The following BMPR1B variants were observed in gnomAD, a reference collection of about 807,000 sequenced individuals.
The protein encoded by BMPR1B is bone morphogenetic protein receptor type-1B.
BMPR1B carries 12 observed loss-of-function variants against 59.1 expected under a neutral mutation model. The observed-to-expected ratio is 0.20, with a 90% CI of 0.13 to 0.33. The LOEUF is 0.33. BMPR1B is among the 10% of genes least tolerant of loss of function. The pLI, the probability that BMPR1B is intolerant of heterozygous loss-of-function variation, is 1.00. For missense variants in BMPR1B, 550 were observed against 610.9 expected (o/e 0.90, Z 1.05); for synonymous variants, 237 against 207.3 (o/e 1.14, Z -1.23).
At chr4:94,888,078 T>C (rs1206099192) in intron 2 of BMPR1B, among the ~76,000 whole-genome samples, 1 of 152,140 alleles carries the variant, frequency 6.6e-6, no homozygotes, top group Non-Finnish European at 1.5e-5. Flanking sequence ...ATGGAACAGT[T>C]TTGTTATTGT....
Position 95,157,950 on chromosome 4 carries a change from A to G in BMPR1B, c.*3277A>G, listed in dbSNP as rs148400273. 3 of 152,192 alleles carry G rather than the reference A, an allele frequency of 2.0e-5. No individual in the cohort carries two copies. Among genetic ancestry groups the G allele is most frequent in the East Asian group, 1.9e-4 (1 of 5,194 alleles). The allele number at this position is 152,192 out of a possible 1,614,324, so 9.4% of individuals were successfully genotyped here. Reference sequence around the variant, plus strand: ...ACACATTTCAATTGGTGTGTAGTCAAGTATAGCAAGTACTTAATAATGACT... The same window carrying G: ...ACACATTTCAATTGGTGTGTAGTCAGGTATAGCAAGTACTTAATAATGACT... On this transcript the variant is annotated 3_prime_UTR_variant, in exon 13 of 13. Transcript: ENST00000515059.
chr4:95,097,110 A>T (rs778362181), intron 3 of BMPR1B, among the ~76,000 whole-genome samples: 2 of 130,296 alleles, frequency 1.5e-5, no homozygotes. Context: ...TATATATAAA[A>T]CTATAATTTA....
At chr4:94,886,139 A>C (rs763587738) in intron 2 of BMPR1B, among the ~76,000 whole-genome samples, 56 of 152,340 alleles carry the variant, frequency 3.7e-4, no homozygotes, top group Non-Finnish European at 6.9e-4. Flanking sequence ...AAAAATAACA[A>C]GTGAAAAATA....
chr4:94,943,033 T>C (rs1358265840), intron 2 of BMPR1B, among the ~76,000 whole-genome samples: 1 of 152,180 alleles, frequency 6.6e-6, no homozygotes, highest in African/African-American at 2.4e-5. Context: ...ACTAGAAAAT[T>C]ATAACAATTA....
At chr4:94,912,825 C>T (rs528413972) in intron 2 of BMPR1B, among the ~76,000 whole-genome samples, 10 of 152,160 alleles carry the variant, frequency 6.6e-5, no homozygotes, top group East Asian at 1.9e-4. Flanking sequence ...TACAACTAGC[C>T]GTATCTCTTC....
At chr4:95,077,384 G>T (rs980412515) in intron 3 of BMPR1B, among the ~76,000 whole-genome samples, 1 of 152,214 alleles carries the variant, frequency 6.6e-6, no homozygotes, top group East Asian at 1.9e-4. Context: ...GCCAGGCTCC[G>T]TTAAGAGTTA....
chr4:94,799,805 C>T (rs1463045834), intron 1 of BMPR1B, among the ~76,000 whole-genome samples: 1 of 152,020 alleles, frequency 6.6e-6, no homozygotes, highest in East Asian at 1.9e-4. Context: ...ATTCTCCTGC[C>T]TCAGCCTCCC....
chr4:94,765,002 G>A (rs955209498), intron 1 of BMPR1B, among the ~76,000 whole-genome samples: 4 of 152,070 alleles, frequency 2.6e-5, no homozygotes, highest in East Asian at 1.9e-4. Context: ...AGAGAGTAAC[G>A]GGGGGACTAT....
At chr4:94,992,020 A>G (rs1021984585) in intron 2 of BMPR1B, among the ~76,000 whole-genome samples, 5 of 152,164 alleles carry the variant, frequency 3.3e-5, no homozygotes, top group Admixed American at 3.3e-4. Context: ...TCATGTCCCA[A>G]ACTAAATCCA....
At chr4:94,885,363 T>C (rs1727133698) in intron 2 of BMPR1B, among the ~76,000 whole-genome samples, 1 of 152,198 alleles carries the variant, frequency 6.6e-6, no homozygotes, top group African/African-American at 2.4e-5. Flanking sequence ...AGCACATCAT[T>C]ATTATTGCGG....
chr4:94,915,173 C>T (rs1017017139), intron 2 of BMPR1B, among the ~76,000 whole-genome samples: 2 of 152,152 alleles, frequency 1.3e-5, no homozygotes. Context: ...GATTAAATCA[C>T]CTTTCCATGC....
intron 2 of BMPR1B, among the ~76,000 whole-genome samples, chr4:94,918,414 T>C (rs1359622580): frequency 2.0e-5 from 3 of 152,186 alleles, no homozygotes; most frequent in Non-Finnish European, 4.4e-5. Flanking sequence ...CAGTGACTCA[T>C]GCCTGTAGTC....
intron 1 of BMPR1B, among the ~76,000 whole-genome samples, chr4:94,760,512 C>G (rs1721718394): frequency 6.6e-6 from 1 of 152,214 alleles, no homozygotes. Flanking sequence ...AGCACCTCCT[C>G]CAGCTCTTTC....
Position 95,112,825 on chromosome 4 carries a change from G to A in BMPR1B, c.144-1895G>A, listed in dbSNP as rs186429638. On this transcript the variant is annotated intron_variant, in intron 4 of 12. Coordinates refer to ENST00000515059, the MANE Select transcript of BMPR1B (RefSeq NM_001203.3). The stretch of plus-strand genomic sequence containing the variant: ...GACAATAGCTTTACCAGCTTTTTCT[G>A]TTCCATTTCTTTTTTATTCTTAACA... Among the ~76,000 whole-genome samples the A allele has an allele frequency of 4.3e-3, 654 of 152,028 alleles. 5 individuals carry two copies. Among genetic ancestry groups the A allele is most frequent in the African/African-American group, 0.015 (616 of 41,490 alleles).
chr4:95,140,279 A>G (rs906251380), intron 10 of BMPR1B, among the ~76,000 whole-genome samples: 3 of 152,154 alleles, frequency 2.0e-5, no homozygotes, highest in Admixed American at 6.5e-5. Flanking sequence ...CTTTTAATGG[A>G]TAAATGATTC....
intron 2 of BMPR1B, among the ~76,000 whole-genome samples, chr4:94,882,091 G>T (rs546541228): frequency 2.0e-5 from 3 of 152,204 alleles, no homozygotes; most frequent in African/African-American, 7.2e-5. Context: ...GGAAATACTG[G>T]CATGAAAAAG....
At chr4:94,954,114 G>A (rs1016821910) in intron 2 of BMPR1B, among the ~76,000 whole-genome samples, 2 of 152,018 alleles carry the variant, frequency 1.3e-5, no homozygotes, top group Admixed American at 6.6e-5. Flanking sequence ...AGCTCCATCA[G>A]GTCTTTTATG....
chr4:94,781,521 C>T (rs28864517), intron 1 of BMPR1B, among the ~76,000 whole-genome samples: 83,860 of 151,862 alleles, frequency 0.55, 23,310 homozygotes, highest in Middle Eastern at 0.71. Context: ...CAAGCGATTC[C>T]CCTGCCTCAG....
intron 3 of BMPR1B, among the ~76,000 whole-genome samples, chr4:95,042,095 A>T (rs190879591): frequency 6.6e-6 from 1 of 152,124 alleles, no homozygotes; most frequent in Non-Finnish European, 1.5e-5. Context: ...TGACCTCGTG[A>T]TCCACCCGCC....
Sources: gnomAD v4.1 joint callset for allele counts (sites outside exome capture counted in the v4.1 genomes callset) on GRCh38, gnomAD v4.1.1 for gene constraint, MANE v1.5 for transcripts, NCBI Gene and HGNC (gene_info 2026-07-23, HGNC 2026-07-21) for gene names.